The following ZNF653 variants were observed in gnomAD, a reference collection of about 807,000 sequenced individuals.
ZNF653 encodes the protein 67 kDa zinc finger protein.
ZNF653 carries 37 observed loss-of-function variants against 59.9 expected under a neutral mutation model. The ratio of observed to expected loss-of-function variants is 0.62; its 90% confidence interval spans 0.48 to 0.81. ZNF653 has a LOEUF of 0.81. Among genes scored for constraint, ZNF653 ranks in the 40% least tolerant of loss-of-function variants. ZNF653 has a pLI of 0.00. For missense variants in ZNF653, 808 were observed against 881.1 expected, an observed-to-expected ratio of 0.92 and a Z score of 1.05; for synonymous variants, 435 against 371.8, an observed-to-expected ratio of 1.17 and a Z score of -1.96.
At chr19:11,496,523 C>T (rs934035592) in intron 2 of ZNF653, among the ~76,000 whole-genome samples, 6 of 152,120 alleles carry the variant, frequency 3.9e-5, no homozygotes, top group East Asian at 1.9e-4. Flanking sequence ...CCCCTACAGC[C>T]GCAAGGGGGC....
At chr19:11,505,193 G>T in intron 1 of ZNF653, 1 of 365,194 alleles carries the variant, frequency 2.7e-6, no homozygotes, top group Non-Finnish European at 4.9e-6. Context: ...AGGCCTGGAG[G>T]TGGGGCCAGT....
At chr19:11,505,338 A>G (rs1971702036) in intron 1 of ZNF653, 150 bp downstream of exon 1, 2 of 756,682 alleles carry the variant, frequency 2.6e-6, no homozygotes, top group East Asian at 6.9e-5. Flanking sequence ...CGTCCCGGCC[A>G]GGCAGTACGA....
At position 11,496,084 on chromosome 19, in the gene ZNF653, T is replaced by C; in HGVS notation, c.425A>G (p.His142Arg). ...DHKHRCPYEP[H>R]LAELDPTFGL... ...AAAAGTGGGGTCTAGCTCCGCCAGG[T>C]GCGGCTCGTACGGGCAGCGGTGCTT... The change falls in exon 3 of 9, where the codon CAC becomes CGC. Residue 142 changes from histidine (H) to arginine (R), a missense_variant. His to Arg is a conservative substitution (Grantham distance 29, BLOSUM62 0). Coordinates refer to ENST00000293771, the MANE Select transcript of ZNF653 (RefSeq NM_138783.4). The C allele has an allele frequency of 6.2e-7, 1 of 1,614,050 alleles. No individual in the cohort carries two copies. The highest frequency in any genetic ancestry group is 1.1e-5 in the South Asian group (1 of 91,078).
chr19:11,491,894 G>A (rs918598318), intron 3 of ZNF653, among the ~76,000 whole-genome samples: 4 of 151,826 alleles, frequency 2.6e-5, no homozygotes, highest in Admixed American at 2.6e-4. Context: ...ATCCTCTTCT[G>A]TCTGACACCT....
intron 1 of ZNF653, chr19:11,500,884 T>C (rs1366111542): frequency 1.3e-5 from 2 of 152,438 alleles, no homozygotes; most frequent in Non-Finnish European, 2.9e-5. Context: ...AGGTCATATG[T>C]AACCTGGTGA....
intron 3 of ZNF653, 136 bp from the exon 4 acceptor site, chr19:11,488,039 G>A (rs1971490186): frequency 2.3e-6 from 2 of 860,876 alleles, no homozygotes; most frequent in Non-Finnish European, 1.5e-6. Flanking sequence ...CCAGGCTGGA[G>A]TGCAGTGGTG....
At chr19:11,501,763 C>T (rs1971647072) in intron 1 of ZNF653, among the ~76,000 whole-genome samples, 1 of 152,120 alleles carries the variant, frequency 6.6e-6, no homozygotes, top group African/African-American at 2.4e-5. Flanking sequence ...ACACTCAGGC[C>T]TGTGTTTTCT....
chr19:11,501,983 C>T (rs539398745), intron 1 of ZNF653, among the ~76,000 whole-genome samples: 40 of 151,816 alleles, frequency 2.6e-4, no homozygotes, highest in Non-Finnish European at 4.3e-4. Flanking sequence ...TTAGTAGAGA[C>T]GGGGTTTCAA....
chr19:11,485,855 G>T, intron 6 of ZNF653, 85 bp from the exon 7 acceptor site: 1 of 1,061,274 alleles, frequency 9.4e-7, no homozygotes, highest in Non-Finnish European at 1.5e-6. Context: ...CAGCTGGAAG[G>T]CAGGCTGGGG....
At chr19:11,499,296 G>A (rs1287599996) in intron 1 of ZNF653, among the ~76,000 whole-genome samples, 1 of 152,232 alleles carries the variant, frequency 6.6e-6, no homozygotes, top group African/African-American at 2.4e-5. Context: ...CACATGCCCT[G>A]TGTGATCCTC....
chr19:11,484,814 G>T (rs1183072514), intron 7 of ZNF653, among the ~76,000 whole-genome samples: 1 of 151,892 alleles, frequency 6.6e-6, no homozygotes, highest in East Asian at 2.0e-4. Flanking sequence ...CACTTAGGGA[G>T]GCCAAGGTGG....
chr19:11,485,761 T>A lies in ZNF653; in HGVS notation c.1465A>T (p.Asn489Tyr). 3 of 1,613,564 alleles carry A rather than the reference T, an allele frequency of 1.9e-6. No homozygotes were observed. The highest frequency in any genetic ancestry group is 2.5e-6 in the Non-Finnish European group (3 of 1,179,682). The change falls in exon 7 of 9, where the codon AAT (asparagine) becomes TAT (tyrosine). Residue 489 changes from asparagine (N) to tyrosine (Y), a missense_variant. By Grantham distance (143) the Asn-to-Tyr change is moderately radical (BLOSUM62 -2). Transcript: ENST00000293771. ...GTCTTTCCTTTCCGATGCACAAGAT[T>A]GACGTGGTTCTGGAGACGAGACAGG... ...VALSSFQNHV[N>Y]LVHRKGKTKV...
At chr19:11,501,725 A>G (rs1045129684) in intron 1 of ZNF653, among the ~76,000 whole-genome samples, 1 of 149,620 alleles carries the variant, frequency 6.7e-6, no homozygotes, top group African/African-American at 2.5e-5. Context: ...CTTCTCCCTC[A>G]CCTCCCTTAC....
At chr19:11,488,828 C>T (rs1419299731) in intron 3 of ZNF653, among the ~76,000 whole-genome samples, 1 of 151,772 alleles carries the variant, frequency 6.6e-6, no homozygotes, top group Non-Finnish European at 1.5e-5. Context: ...GATCTCCTGA[C>T]CTTATGATCC....
chr19:11,501,431 A>G (rs1288832896), intron 1 of ZNF653, among the ~76,000 whole-genome samples: 1 of 151,672 alleles, frequency 6.6e-6, no homozygotes, highest in Non-Finnish European at 1.5e-5. Context: ...CTTCTGCTTC[A>G]GCCTCCCAAA....
intron 1 of ZNF653, among the ~76,000 whole-genome samples, chr19:11,503,124 G>A (rs895340191): frequency 3.3e-5 from 5 of 152,040 alleles, no homozygotes; most frequent in African/African-American, 1.2e-4. Flanking sequence ...TTAAGAAAAG[G>A]CTCCCACCTC....
intron 2 of ZNF653, 92 bp downstream of exon 2, chr19:11,498,204 T>C: frequency 6.4e-7 from 1 of 1,568,568 alleles, no homozygotes; most frequent in East Asian, 2.3e-5. Context: ...CTGTGCTGCC[T>C]AGGGCAGCGA....
chr19:11,484,074 A>G lies in ZNF653; in HGVS notation c.1638T>C (p.His546=). 6.4e-7 allele frequency: 1 copy of G among 1,559,844 alleles called. No homozygotes were observed. Among genetic ancestry groups the G allele is most frequent in the African/African-American group, 1.4e-5 (1 of 73,468 alleles). ...SFKRKNHLEV[H]RRTHTGETPL... ...GGGTCTCGCCGGTGTGGGTGCGCCG[A>G]TGTACCTCCAGGTGGTTCTTCCTCT... The change falls in exon 8 of 9, where the codon CAT becomes CAC. Residue 546 remains histidine, a synonymous_variant. Coordinates refer to ENST00000293771, the MANE Select transcript of ZNF653 (RefSeq NM_138783.4).
At chr19:11,498,410 C>A in intron 1 of ZNF653, 71 bp from the exon 2 acceptor site, 1 of 1,600,598 alleles carries the variant, frequency 6.2e-7, no homozygotes, top group Non-Finnish European at 8.6e-7. Context: ...TGAGTAACAA[C>A]AGTGGCTAGA....
Sources: gnomAD v4.1 joint callset for allele counts (sites outside exome capture counted in the v4.1 genomes callset) on GRCh38, gnomAD v4.1.1 for gene constraint, MANE v1.5 for transcripts, NCBI Gene and HGNC (gene_info 2026-07-23, HGNC 2026-07-21) for gene names.